The following ACOX2 variants were observed in gnomAD, a reference collection of about 807,000 sequenced individuals.
ACOX2 encodes acyl-CoA oxidase 2.
In ACOX2, 59 loss-of-function variants were observed where a neutral mutation model predicts 77.5. The ratio of observed to expected loss-of-function variants is 0.76; its 90% CI spans 0.62 to 0.95. ACOX2 has a LOEUF of 0.95. Ranked by LOEUF, ACOX2 falls within the 40% of genes least tolerant of loss-of-function variation. The probability of loss-of-function intolerance (pLI) is 0.00; values close to 1 mark genes in which losing one functional copy is unlikely to be tolerated. For synonymous variants in ACOX2, 317 were observed against 340.1 expected (o/e 0.93, Z 0.75); for missense variants, 837 against 880.4 (o/e 0.95, Z 0.62).
chr3:58,531,178 C>A lies in ACOX2; in HGVS notation c.819+73G>T, dbSNP rs1340682725. The A allele has an allele frequency of 5.0e-6, 7 of 1,410,596 alleles. No individual in the cohort carries two copies. The highest frequency in any genetic ancestry group is 6.9e-6 in the Non-Finnish European group (7 of 1,018,818). 87.4% of individuals were successfully genotyped at this position (1,410,596 alleles called of 1,614,324 possible). ...CCCAAACTAAGCTCTATGGAGGACC[C>A]AGGCCCAGCCTGCACAAAGCGCAGG... On this transcript the variant is annotated intron_variant, in intron 7 of 14. Coordinates refer to ENST00000302819, the MANE Select transcript of ACOX2 (RefSeq NM_003500.4). The surrounding 1 kb of genome is among the most constrained non-coding windows in gnomAD (Gnocchi z 5.8).
intron 12 of ACOX2, among the ~76,000 whole-genome samples, chr3:58,518,561 A>AT (rs2063338255): frequency 1.3e-5 from 2 of 152,242 alleles, no homozygotes; most frequent in African/African-American, 4.8e-5. Context: ...AGCACACACA[A>AT]TTATTTTGTC....
At chr3:58,520,610 T>TAAA in intron 12 of ACOX2, among the ~76,000 whole-genome samples, 1 of 152,262 alleles carries the variant, frequency 6.6e-6, no homozygotes, top group Non-Finnish European at 1.5e-5. Context: ...TTCCCTCAAG[T>TAAA]TGCAGTTATC....
In ACOX2 at chr3:58,520,647, A is replaced by G. The variant is rs532749935; in HGVS notation, c.1632+1849T>C. 3.3e-4 allele frequency among the ~76,000 whole-genome samples: 50 copies of G among 152,262 alleles called. No homozygotes were observed. The South Asian group carries it at 5.4e-3, about 16-fold the overall frequency. On this transcript the variant is annotated intron_variant, in intron 12 of 14. Coordinates refer to ENST00000302819, the MANE Select transcript of ACOX2 (RefSeq NM_003500.4). ...CTACCTGCACATTTATGGTTTCTAG[A>G]TGGGGCCCAGTTGGGTGCTGAAGCT...
At chr3:58,508,820 G>A (rs965941874) in intron 14 of ACOX2, 73 bp downstream of exon 14, 2 of 1,559,014 alleles carry the variant, frequency 1.3e-6, no homozygotes, top group Non-Finnish European at 1.7e-6. Flanking sequence ...ATTAAAATGG[G>A]AGAACATGAA....
At position 58,526,429 on chromosome 3, in the gene ACOX2, G is replaced by T; in HGVS notation, c.1346+37C>A. 6.4e-7 allele frequency: 1 copy of T among 1,572,854 alleles called. No homozygotes were observed. The highest frequency in any genetic ancestry group is 1.2e-5 in the South Asian group (1 of 85,152). ...CAACAGAAGCTTGGTGGGTCCCCAA[G>T]GGCTTGGGCAAAGGCCTGGGTCAGC... On this transcript the variant is annotated intron_variant, in intron 10 of 14. Transcript: ENST00000302819. This position sits in a 1 kb window ranked among gnomAD's most constrained non-coding sequence, Gnocchi z 4.3.
intron 12 of ACOX2, among the ~76,000 whole-genome samples, chr3:58,520,113 T>A (rs932516665): frequency 3.9e-5 from 6 of 152,240 alleles, no homozygotes; most frequent in South Asian, 4.1e-4. Context: ...TTGGTTTAAA[T>A]CTTGCCTCCT....
In ACOX2 at chr3:58,532,425, C is replaced by T. The variant is rs753614611; in HGVS notation, c.584-613G>A. Among the ~76,000 whole-genome samples, 123 of 151,838 alleles carry T rather than the reference C, an allele frequency of 8.1e-4. 2 individuals are homozygous for T. Among genetic ancestry groups the T allele is most frequent in the Non-Finnish European group, 4.1e-4 (28 of 67,970 alleles). ...TTTTTGAGACAGAGTCTCACTCTTT[C>T]GCCAGGCTGGAGTGCAATGGCCTGA... On this transcript the variant is annotated intron_variant, in intron 5 of 14. Transcript: ENST00000302819.
intron 12 of ACOX2, 78 bp from the exon 13 acceptor site, chr3:58,517,501 G>T (rs2063329785): frequency 7.0e-7 from 1 of 1,422,258 alleles, no homozygotes; most frequent in Non-Finnish European, 9.8e-7. Context: ...TGGCAAGATG[G>T]CTGGAATAAA....
Position 58,534,678 on chromosome 3 carries a change from A to G in ACOX2, c.161-156T>C. On this transcript the variant is annotated intron_variant, in intron 2 of 14. Coordinates refer to ENST00000302819, the MANE Select transcript of ACOX2 (RefSeq NM_003500.4). The surrounding 1 kb of genome is among the most constrained non-coding windows in gnomAD (Gnocchi z 4.8). ...ACTGAGGACCAAGGTGGGAAAGTGA[A>G]TTGCCCAAGGTTACAAAGCTATGCA... 1 of 1,513,880 alleles carries G rather than the reference A, an allele frequency of 6.6e-7. No homozygotes were observed. The highest frequency in any genetic ancestry group is 1.2e-5 in the South Asian group (1 of 84,164). 93.8% of individuals were successfully genotyped at this position (1,513,880 alleles called of 1,614,324 possible). A position where few individuals can be genotyped will look rare whatever the true frequency, so the allele number is the denominator to read the frequency against.
In ACOX2 at chr3:58,526,753, C is replaced by G. The variant is rs1027778234; in HGVS notation, c.1156-97G>C. 2 of 1,337,598 alleles carry G rather than the reference C, an allele frequency of 1.5e-6. No individual in the cohort carries two copies. The highest frequency in any genetic ancestry group is 4.2e-5 in the Admixed American group (2 of 47,106). 82.9% of individuals were successfully genotyped at this position (1,337,598 alleles called of 1,614,324 possible). ...TTACTGAGCATCTACTCATGCCCAG[C>G]TCAGCTCTGAGGTAAGAAGTGTTTC... is the stretch of plus-strand genomic sequence containing the variant. On this transcript the variant is annotated intron_variant, in intron 9 of 14. Coordinates refer to ENST00000302819, the MANE Select transcript of ACOX2 (RefSeq NM_003500.4). The surrounding 1 kb of genome is among the most constrained non-coding windows in gnomAD (Gnocchi z 4.3).
At position 58,535,253 on chromosome 3, in the gene ACOX2, A is replaced by T; in HGVS notation, c.-91-56T>A. 1 of 961,946 alleles carries T rather than the reference A, an allele frequency of 1.0e-6. No homozygotes were observed. The highest frequency in any genetic ancestry group is 1.5e-5 in the South Asian group (1 of 64,722). The allele number at this position is 961,946 out of a possible 1,614,324, so 59.6% of individuals were successfully genotyped here. On this transcript the variant is annotated intron_variant, in intron 1 of 14. Coordinates refer to ENST00000302819, the MANE Select transcript of ACOX2 (RefSeq NM_003500.4). This position sits in a 1 kb window ranked among gnomAD's most constrained non-coding sequence, Gnocchi z 4.8. ...GTGTCAGCCAGGGCTGGTTGGTAGAAGAAAGACATCCCTAAGTACCTGAAT... is the reference window on the plus strand; with the variant it reads ...GTGTCAGCCAGGGCTGGTTGGTAGATGAAAGACATCCCTAAGTACCTGAAT...
chr3:58,517,333 G>A lies in ACOX2; in HGVS notation c.1723C>T (p.Leu575Phe). ...EPAIQQVLKR[L>F]CDLHAIHGIL... is the part of the protein sequence containing the mutation. Reference sequence around the variant, plus strand: ...CCATGTATGGCATGGAGGTCACAGAGGCGCTTGAGCACCTGCTGAATCGCT... The same window carrying A: ...CCATGTATGGCATGGAGGTCACAGAAGCGCTTGAGCACCTGCTGAATCGCT... Residue 575 changes from leucine to phenylalanine, a missense_variant, in exon 13 of 15, where the codon CTC (leucine) becomes TTC (phenylalanine). By Grantham distance (22) the Leu-to-Phe change is conservative. Transcript: ENST00000302819. 7 of 1,614,156 alleles carry A rather than the reference G, an allele frequency of 4.3e-6. No homozygotes were observed. The highest frequency in any genetic ancestry group is 5.9e-6 in the Non-Finnish European group (7 of 1,180,032).
intron 14 of ACOX2, among the ~76,000 whole-genome samples, chr3:58,506,343 G>A (rs1328935051): frequency 3.3e-5 from 5 of 152,192 alleles, no homozygotes; most frequent in African/African-American, 4.8e-5. Flanking sequence ...CAGGAATAAA[G>A]CTCAACGCTG....
intron 5 of ACOX2, among the ~76,000 whole-genome samples, chr3:58,532,927 C>A (rs975457852): frequency 4.6e-5 from 7 of 152,110 alleles, no homozygotes; most frequent in Admixed American, 1.3e-4. Context: ...TTGATGTGGC[C>A]GCCACCTGGT....
rs1197814473 is a variant in ACOX2 at position 58,534,308 on chromosome 3, A to AGGTG, written c.323+48_323+51dup. On this transcript the variant is annotated intron_variant, in intron 3 of 14. Coordinates refer to ENST00000302819, the MANE Select transcript of ACOX2 (RefSeq NM_003500.4). The surrounding 1 kb of genome is among the most constrained non-coding windows in gnomAD (Gnocchi z 4.8). ...TGGCTCATGGGGCTAGGGGGTTTCC[A>AGGTG]GGTGATCCCAGGTAGATCCCTCTCT... The AGGTG allele has an allele frequency of 9.3e-6, 15 of 1,604,546 alleles. No homozygotes were observed. In the African/African-American group the frequency reaches 1.7e-4, roughly 19 times the overall value.
chr3:58,524,750 C>T lies in ACOX2; in HGVS notation c.1347-145G>A. 1.1e-6 allele frequency: 1 copy of T among 918,184 alleles called. No individual in the cohort carries two copies. Among genetic ancestry groups the T allele is most frequent in the Non-Finnish European group, 1.6e-6 (1 of 621,994 alleles). The allele number at this position is 918,184 out of a possible 1,614,324, so 56.9% of individuals were successfully genotyped here. ...GGTCACCAGGCCTCTGCCTGGCCTC[C>T]CTCCTGAGGGTTCCCCCTCGGGCCG... On this transcript the variant is annotated intron_variant, in intron 10 of 14. Transcript: ENST00000302819. The surrounding 1 kb of genome is among the most constrained non-coding windows in gnomAD (Gnocchi z 5.5).
chr3:58,530,539 G>C lies in ACOX2; in HGVS notation c.919C>G (p.Pro307Ala). The change falls in exon 8 of 15, where the codon CCT becomes GCT. Residue 307 changes from proline (P) to alanine (A), a missense_variant. Coordinates refer to ENST00000302819, the MANE Select transcript of ACOX2 (RefSeq NM_003500.4). ...ATGACACAGGCCTTCTGCAGTATAG[G>C]GAGGATCTCCCCTGACAGCAGCTCC... ...RVELLSGEILPILQKACVIAM... is the reference protein window; with the variant it reads ...RVELLSGEILAILQKACVIAM... 1 of 1,614,236 alleles carries C rather than the reference G, an allele frequency of 6.2e-7. No homozygotes were observed. Among genetic ancestry groups the C allele is most frequent in the Non-Finnish European group, 8.5e-7 (1 of 1,180,038 alleles).
chr3:58,506,771 G>GCA (rs2063237313), intron 14 of ACOX2, among the ~76,000 whole-genome samples: 1 of 152,156 alleles, frequency 6.6e-6, no homozygotes, highest in Non-Finnish European at 1.5e-5. Flanking sequence ...CAGCCTGGAT[G>GCA]ACAGAGCGAG....
Position 58,509,726 on chromosome 3 carries a change from C to T in ACOX2, c.1851-701G>A, listed in dbSNP as rs551696566. Reference sequence around the variant, plus strand: ...GCTCAAGCCATTCTCCTGCCTCAACCTCCCGAGTAGTTGGGATTACAGGCG... The same window carrying T: ...GCTCAAGCCATTCTCCTGCCTCAACTTCCCGAGTAGTTGGGATTACAGGCG... On this transcript the variant is annotated intron_variant, in intron 13 of 14. Transcript: ENST00000302819. 2.0e-5 allele frequency among the ~76,000 whole-genome samples: 3 copies of T among 150,718 alleles called. No homozygotes were observed. In the South Asian group the frequency reaches 6.4e-4, roughly 32 times the overall value.
Sources: allele counts gnomAD v4.1 joint callset (sites outside exome capture counted in the v4.1 genomes callset), GRCh38; gene constraint gnomAD v4.1.1; non-coding constraint Gnocchi (gnomAD v3.1); transcripts MANE v1.5; gene names NCBI Gene and HGNC (gene_info 2026-07-23, HGNC 2026-07-21).